Variants in DAB2IP observed in about 807,000 individuals in gnomAD.
DAB2IP encodes the protein DAB2 interacting protein, also known as disabled homolog 2-interacting protein.
Under a neutral mutation model 107.2 loss-of-function variants are expected in DAB2IP, and 28 were observed. The ratio of observed to expected loss-of-function variants is 0.26; its 90% confidence interval spans 0.19 to 0.36. The LOEUF is 0.36. DAB2IP is among the 10% of genes least tolerant of loss of function. The pLI is 1.00. For missense variants in DAB2IP, 1,400 were observed against 1,644.7 expected (o/e 0.85, Z 2.57); for synonymous variants, 755 against 706.4 (o/e 1.07, Z -1.09).
At chr9:121,591,816 C>G (rs1157724650) in intron 1 of DAB2IP, among the ~76,000 whole-genome samples, 1 of 152,034 alleles carries the variant, frequency 6.6e-6, no homozygotes, top group Non-Finnish European at 1.5e-5. Context: ...TGCAGAGAGT[C>G]TAGAAAAATA....
At chr9:121,623,036 G>A (rs1200655643) in intron 1 of DAB2IP, among the ~76,000 whole-genome samples, 1 of 152,204 alleles carries the variant, frequency 6.6e-6, no homozygotes, top group Non-Finnish European at 1.5e-5. Flanking sequence ...CCTATCTGCC[G>A]AGTCTGAGCC....
chr9:121,728,099 A>G (rs1453993856), intron 3 of DAB2IP, among the ~76,000 whole-genome samples: 4 of 152,086 alleles, frequency 2.6e-5, no homozygotes, highest in Non-Finnish European at 5.9e-5. Flanking sequence ...GGAGAATATT[A>G]TGGAATTGTT....
In DAB2IP at chr9:121,743,223, A is replaced by G. The variant is rs564511712; in HGVS notation, c.363-13790A>G. Reference sequence around the variant, plus strand: ...TGAGGAACAAATGAGACTGGGCCACAAAGTACCCAGTGCTGTGCCCAGCAC... The same window carrying G: ...TGAGGAACAAATGAGACTGGGCCACGAAGTACCCAGTGCTGTGCCCAGCAC... On this transcript the variant is annotated intron_variant, in intron 3 of 15. Coordinates refer to ENST00000408936, the Ensembl canonical transcript of DAB2IP. 1.1e-3 allele frequency among the ~76,000 whole-genome samples: 171 copies of G among 152,330 alleles called. 1 individual carries two copies. The highest frequency in any genetic ancestry group is 3.7e-3 in the African/African-American group (152 of 41,586).
chr9:121,720,935 A>G (rs1227490593), intron 3 of DAB2IP, among the ~76,000 whole-genome samples: 1 of 152,044 alleles, frequency 6.6e-6, no homozygotes, highest in Non-Finnish European at 1.5e-5. Context: ...GGTTTCATTT[A>G]CTCGAAAGAA....
chr9:121,764,010 C>G (rs1426630214), intron 8 of DAB2IP, 131 bp downstream of exon 8: 1 of 1,284,594 alleles, frequency 7.8e-7, no homozygotes. Flanking sequence ...CTGGCCTAGT[C>G]CCTTTTGAGC....
chr9:121,748,989 A>G (rs1300546339), intron 3 of DAB2IP, among the ~76,000 whole-genome samples: 2 of 152,174 alleles, frequency 1.3e-5, no homozygotes, highest in East Asian at 3.9e-4. Flanking sequence ...GGCCTGAGGG[A>G]ACCCTGGGTT....
intron 1 of DAB2IP, among the ~76,000 whole-genome samples, chr9:121,677,881 C>T (rs904998855): frequency 9.9e-5 from 15 of 152,232 alleles, no homozygotes; most frequent in Non-Finnish European, 1.9e-4. Flanking sequence ...AGGCTGGTTT[C>T]GAACTCCTGA....
rs1026234898 is a variant in DAB2IP at position 121,763,643 on chromosome 9, G to A, written c.1309G>A (p.Ala437Thr). The change falls in exon 7 of 16, where the codon GCC becomes ACC. Residue 437 changes from alanine (A) to threonine (T), a missense_variant. Ala to Thr is a moderately conservative substitution (Grantham distance 58, BLOSUM62 0). This residue lies in a region of DAB2IP where 517 missense variants were observed against 748.6 expected (regional missense o/e 0.69). Transcript: ENST00000408936. ...AGTGGGCCAGAAGTACCTGCAGGAC[G>A]CCCTAGGTAGGGAGTGGGCCAGCAG... is the stretch of plus-strand genomic sequence containing the variant. 6.8e-6 allele frequency: 11 copies of A among 1,612,950 alleles called. No individual in the cohort carries two copies. The highest frequency in any genetic ancestry group is 1.7e-4 in the Middle Eastern group (1 of 6,056).
At chr9:121,661,308 G>C (rs961763521) in intron 1 of DAB2IP, among the ~76,000 whole-genome samples, 2 of 152,118 alleles carry the variant, frequency 1.3e-5, no homozygotes, top group African/African-American at 2.4e-5. Flanking sequence ...TGGTGAAAAT[G>C]GGGGTGCAAG....
rs989990309 is a variant in DAB2IP at position 121,633,623 on chromosome 9, C to T, written c.41-45055C>T. On this transcript the variant is annotated intron_variant, in intron 1 of 16. Coordinates refer to the DAB2IP transcript ENST00000259371. This position sits in a 1 kb window ranked among gnomAD's most constrained non-coding sequence, Gnocchi z 5.1. The stretch of plus-strand genomic sequence containing the variant: ...TTAGGCTTTTAAGACCTGGCAGGCT[C>T]TATCCCCCTTGGTGCTCTCAGACCA... Among the ~76,000 whole-genome samples the T allele has an allele frequency of 6.6e-6, 1 of 152,226 alleles. No homozygotes were observed. Among genetic ancestry groups the T allele is most frequent in the Non-Finnish European group, 1.5e-5 (1 of 68,042 alleles).
chr9:121,690,139 G>T (rs1829089612), intron 2 of DAB2IP, among the ~76,000 whole-genome samples: 1 of 152,210 alleles, frequency 6.6e-6, no homozygotes, highest in South Asian at 2.1e-4. Flanking sequence ...CTAATTCTCA[G>T]CAGCGTGTTG....
intron 1 of DAB2IP, among the ~76,000 whole-genome samples, chr9:121,639,011 G>A (rs1338287972): frequency 6.6e-6 from 1 of 152,100 alleles, no homozygotes; most frequent in Admixed American, 6.5e-5. Context: ...TGGTAAGAGG[G>A]AAGATAGGAG....
chr9:121,629,537 T>C (rs1202613503), intron 1 of DAB2IP, among the ~76,000 whole-genome samples: 1 of 152,168 alleles, frequency 6.6e-6, no homozygotes, highest in Non-Finnish European at 1.5e-5. Flanking sequence ...CCCACTCCAG[T>C]CCTCCTCATC....
chr9:121,745,063 C>G (rs1432205048), intron 3 of DAB2IP, among the ~76,000 whole-genome samples: 3 of 152,152 alleles, frequency 2.0e-5, no homozygotes, highest in Admixed American at 2.0e-4. Context: ...GATGACAGGG[C>G]TAGCTTAGCC....
intron 3 of DAB2IP, chr9:121,737,086 G>C (rs1831984338): frequency 1.4e-6 from 1 of 723,812 alleles, no homozygotes; most frequent in Non-Finnish European, 1.7e-6. Context: ...CCAGAGGCGG[G>C]GCTTGGGGCA....
intron 3 of DAB2IP, among the ~76,000 whole-genome samples, chr9:121,742,237 G>A (rs1208364463): frequency 6.6e-6 from 1 of 152,196 alleles, no homozygotes; most frequent in African/African-American, 2.4e-5. Context: ...AAACCAGCCT[G>A]ACCAACATGG....
intron 6 of DAB2IP, 114 bp from the exon 7 acceptor site, chr9:121,763,391 T>C: frequency 3.5e-6 from 5 of 1,425,456 alleles, no homozygotes; most frequent in Non-Finnish European, 3.8e-6. Context: ...CCCCCGCAGC[T>C]TGGTGATGGA....
intron 1 of DAB2IP, among the ~76,000 whole-genome samples, chr9:121,605,377 G>A (rs547247709): frequency 6.6e-6 from 1 of 152,298 alleles, no homozygotes; most frequent in South Asian, 2.1e-4. Context: ...TGGCTGTGTG[G>A]CATCAAGGGG....
chr9:121,783,086 T>C, exon 16 of DAB2IP: 1 of 1,046,446 alleles, frequency 9.6e-7, no homozygotes, highest in Non-Finnish European at 1.2e-6. Context: ...GCATGCAGCC[T>C]GTTGGGACCT....
Sources: gnomAD v4.1 joint callset for allele counts (sites outside exome capture counted in the v4.1 genomes callset) on GRCh38, gnomAD v4.1.1 for gene constraint, gnomAD v4.1.1 regional missense constraint, Gnocchi (gnomAD v3.1) non-coding constraint, MANE v1.5 for transcripts, NCBI Gene and HGNC (gene_info 2026-07-23, HGNC 2026-07-21) for gene names.